NEXMIF: variants seen among roughly 807,000 people sequenced by gnomAD.
NEXMIF encodes XLMR protein related to neurite extension.
A neutral mutation model predicts 62.1 loss-of-function variants in NEXMIF; 8 were observed. That is an observed-to-expected ratio of 0.13 (90% CI 0.08 to 0.23). The LOEUF is 0.23. NEXMIF is among the 10% of genes least tolerant of loss of function. The probability of loss-of-function intolerance (pLI) is 1.00; values close to 1 mark genes in which losing one functional copy is unlikely to be tolerated. For missense variants in NEXMIF, 976 were observed against 1,113.3 expected, an observed-to-expected ratio of 0.88 and a Z score of 1.75; for synonymous variants, 404 against 416.6, an observed-to-expected ratio of 0.97 and a Z score of 0.37.
intron 1 of NEXMIF, among the ~76,000 whole-genome samples, chrX:74,827,768 C>A (rs950516576): frequency 1.8e-5 from 2 of 111,551 alleles, no homozygotes; most frequent in African/African-American, 6.5e-5. Context: ...GAGATGTGTA[C>A]AATTAGTTGT....
chrX:74,776,074 T>C (rs2080227662), intron 1 of NEXMIF, among the ~76,000 whole-genome samples: 1 of 111,337 alleles, frequency 9.0e-6, no homozygotes, highest in Admixed American at 9.6e-5. Flanking sequence ...GCCTTTGTAC[T>C]CCCTTTAGAT....
intron 1 of NEXMIF, among the ~76,000 whole-genome samples, chrX:74,919,871 C>T (rs759477045): frequency 2.5e-4 from 27 of 110,091 alleles, no homozygotes; most frequent in African/African-American, 6.9e-4. Flanking sequence ...TGAGAACACG[C>T]GGTGTTTGGT....
intron 1 of NEXMIF, among the ~76,000 whole-genome samples, chrX:74,771,111 A>G (rs1019721550): frequency 4.5e-5 from 5 of 111,967 alleles, no homozygotes; most frequent in Non-Finnish European, 9.4e-5. Context: ...GTTTTAGTAT[A>G]TTTATAATCA....
At chrX:74,874,378 C>A (rs1403636984) in intron 1 of NEXMIF, among the ~76,000 whole-genome samples, 1 of 107,236 alleles carries the variant, frequency 9.3e-6, no homozygotes, top group Non-Finnish European at 1.9e-5. Context: ...CAGTACCATG[C>A]TGTTTTGGTT....
chrX:74,876,711 C>A (rs1353016688), intron 1 of NEXMIF, among the ~76,000 whole-genome samples: 4 of 102,016 alleles, frequency 3.9e-5, no homozygotes, highest in African/African-American at 1.4e-4. Flanking sequence ...ATAGTTAGCT[C>A]TTCTTGTTGA....
intron 1 of NEXMIF, among the ~76,000 whole-genome samples, chrX:74,908,794 CAT>C (rs892399249): frequency 1.8e-5 from 2 of 112,441 alleles, no homozygotes; most frequent in Non-Finnish European, 3.8e-5. Flanking sequence ...ATAATTCCCA[CAT>C]GTTGTGGGAG....
chrX:74,799,724 G>C (rs2080323428), intron 1 of NEXMIF, among the ~76,000 whole-genome samples: 1 of 111,733 alleles, frequency 8.9e-6, no homozygotes, highest in Admixed American at 9.4e-5. Context: ...TCGACCTCCT[G>C]GGCTCAAGGG....
intron 1 of NEXMIF, among the ~76,000 whole-genome samples, chrX:74,908,942 A>G (rs761720295): frequency 2.9e-4 from 32 of 111,396 alleles, no homozygotes; most frequent in Non-Finnish European, 5.3e-4. Context: ...TTCTCTTGCC[A>G]CCACCATTTA....
chrX:74,877,059 G>A (rs1442050867), intron 1 of NEXMIF, among the ~76,000 whole-genome samples: 2 of 111,428 alleles, frequency 1.8e-5, no homozygotes, highest in East Asian at 2.8e-4. Flanking sequence ...TATTTTGCTC[G>A]TTAGTTGATG....
chrX:74,767,328 A>C (rs925313139), intron 1 of NEXMIF, among the ~76,000 whole-genome samples: 6 of 112,660 alleles, frequency 5.3e-5, no homozygotes, highest in Middle Eastern at 4.6e-3. Context: ...TCCAGCACCT[A>C]AGGTATCGAC....
At position 74,738,799 on chromosome X, in the gene NEXMIF, G is replaced by C. The variant is rs1046280984; in HGVS notation, c.*606C>G. The C allele has an allele frequency of 9.2e-6, 1 of 108,394 alleles. No homozygotes were observed. Among genetic ancestry groups the C allele is most frequent in the African/African-American group, 3.4e-5 (1 of 29,828 alleles). The allele number at this position is 108,394 out of a possible 1,213,427, so 8.9% of individuals were successfully genotyped here. A position where few individuals can be genotyped will look rare whatever the true frequency, so the allele number is the denominator to read the frequency against. On this transcript the variant is annotated 3_prime_UTR_variant, in exon 4 of 4. Transcript: ENST00000055682. ...GCTGTTCATGTTTCCACACAGGACAGTAGAGTCTAAAACTTTAAAAGAACG... is the reference window on the plus strand; with the variant it reads ...GCTGTTCATGTTTCCACACAGGACACTAGAGTCTAAAACTTTAAAAGAACG...
At position 74,913,048 on chromosome X, in the gene NEXMIF, C is replaced by A. The variant is rs369323673; in HGVS notation, c.-48+11835G>T. 1.1e-4 allele frequency among the ~76,000 whole-genome samples: 12 copies of A among 111,746 alleles called. No individual in the cohort carries two copies. The East Asian group carries it at 1.7e-3, about 16-fold the overall frequency. ...GACATACCACAAAACGTATATATTT[C>A]TATAAAAATCACTTATCATACCAAT... On this transcript the variant is annotated intron_variant, in intron 1 of 3. Transcript: ENST00000055682.
chrX:74,737,537 C>T lies in NEXMIF; in HGVS notation c.*1868G>A, dbSNP rs1216246756. 9.0e-6 allele frequency: 1 copy of T among 111,234 alleles called. No individual in the cohort carries two copies. Among genetic ancestry groups the T allele is most frequent in the Non-Finnish European group, 1.9e-5 (1 of 53,001 alleles). 9.2% of individuals were successfully genotyped at this position (111,234 alleles called of 1,213,427 possible). A position where few individuals can be genotyped will look rare whatever the true frequency, so the allele number is the denominator to read the frequency against. The stretch of plus-strand genomic sequence containing the variant: ...CATCCCCACAGACACAAGAGACTGA[C>T]GCTGGGAACACACATGATCAAGAAC... On this transcript the variant is annotated 3_prime_UTR_variant, in exon 4 of 4. Transcript: ENST00000055682.
At position 74,856,520 on chromosome X, in the gene NEXMIF, G is replaced by A. The variant is rs1259186787; in HGVS notation, c.-48+68363C>T. On this transcript the variant is annotated intron_variant, in intron 1 of 3. Coordinates refer to ENST00000055682, the MANE Select transcript of NEXMIF (RefSeq NM_001008537.3). ...CGAAAAGAATACAGTAATGCACTGCGTAATGTTTCAGTGAACAATAGACCA... is the reference window on the plus strand; with the variant it reads ...CGAAAAGAATACAGTAATGCACTGCATAATGTTTCAGTGAACAATAGACCA... 3.6e-5 allele frequency among the ~76,000 whole-genome samples: 4 copies of A among 111,265 alleles called. No individual in the cohort carries two copies. The East Asian group carries it at 1.1e-3, about 32-fold the overall frequency.
At chrX:74,828,400 G>T (rs934516774) in intron 1 of NEXMIF, among the ~76,000 whole-genome samples, 1 of 111,709 alleles carries the variant, frequency 9.0e-6, no homozygotes, top group South Asian at 3.8e-4. Context: ...TGTGCTACAG[G>T]TATCCAGTAA....
chrX:74,813,779 C>G (rs976237708), intron 1 of NEXMIF, among the ~76,000 whole-genome samples: 2 of 111,994 alleles, frequency 1.8e-5, no homozygotes, highest in Non-Finnish European at 3.8e-5. Flanking sequence ...AACACATGTA[C>G]TCATGTAGTA....
chrX:74,884,010 G>T (rs999654432), intron 1 of NEXMIF, among the ~76,000 whole-genome samples: 12 of 112,143 alleles, frequency 1.1e-4, no homozygotes, highest in African/African-American at 3.2e-4. Context: ...TTAAAGAAAA[G>T]AATTTTCAAC....
At chrX:74,777,934 T>A (rs906753575) in intron 1 of NEXMIF, among the ~76,000 whole-genome samples, 2 of 111,819 alleles carry the variant, frequency 1.8e-5, no homozygotes, top group African/African-American at 3.3e-5. Flanking sequence ...GACTGCCTGA[T>A]GCCAACCTAT....
chrX:74,877,753 A>T (rs1300246025), intron 1 of NEXMIF, among the ~76,000 whole-genome samples: 5 of 110,948 alleles, frequency 4.5e-5, no homozygotes, highest in African/African-American at 1.6e-4. Flanking sequence ...ATCTTCCATC[A>T]CTGATACCGT....
Sources: allele counts gnomAD v4.1 joint callset (sites outside exome capture counted in the v4.1 genomes callset), GRCh38; gene constraint gnomAD v4.1.1; transcripts MANE v1.5; gene names NCBI Gene and HGNC (gene_info 2026-07-23, HGNC 2026-07-21).